EFHC2: variants seen among roughly 807,000 people sequenced by gnomAD.
The protein encoded by EFHC2 is EF-hand domain containing 2.
Under a neutral mutation model 52.7 loss-of-function variants are expected in EFHC2, and 18 were observed. The observed-to-expected ratio is 0.34, with a 90% CI of 0.24 to 0.51. EFHC2 has a LOEUF of 0.51. EFHC2 is among the 20% of genes least tolerant of loss of function. The probability of loss-of-function intolerance (pLI) is 0.97; values close to 1 mark genes in which losing one functional copy is unlikely to be tolerated. For synonymous variants in EFHC2, 203 were observed against 204.1 expected (o/e 0.99, Z 0.04); for missense variants, 513 against 562.5 (o/e 0.91, Z 0.89).
chrX:44,319,844 G>A (rs1465373372), intron 1 of EFHC2, among the ~76,000 whole-genome samples: 1 of 112,354 alleles, frequency 8.9e-6, no homozygotes, highest in African/African-American at 3.2e-5. Flanking sequence ...TCCAAAGACA[G>A]CATGTATGCT....
intron 14 of EFHC2, among the ~76,000 whole-genome samples, chrX:44,163,008 A>C (rs756321348): frequency 8.9e-6 from 1 of 112,298 alleles, no homozygotes; most frequent in East Asian, 2.8e-4. Flanking sequence ...TAAGTAACTT[A>C]ACTGACCCAA....
chrX:44,328,934 G>A lies in EFHC2; in HGVS notation c.42+14613C>T, dbSNP rs753967278. Among the ~76,000 whole-genome samples, 9 of 111,496 alleles carry A rather than the reference G, an allele frequency of 8.1e-5. No individual in the cohort carries two copies. The East Asian group carries it at 8.5e-4, about 11-fold the overall frequency. ...AGGGGCTCTTGAGCCCCTATGCTCC[G>A]CCCGCTCCCGGACTGTGGAGTGTAC... On this transcript the variant is annotated intron_variant, in intron 1 of 14. Coordinates refer to ENST00000420999, the MANE Select transcript of EFHC2 (RefSeq NM_025184.4).
chrX:44,300,056 A>G (rs1292147496), intron 2 of EFHC2, among the ~76,000 whole-genome samples: 1 of 112,067 alleles, frequency 8.9e-6, no homozygotes, highest in Non-Finnish European at 1.9e-5. Flanking sequence ...AGAGTCCTGC[A>G]AATACAAAAT....
At chrX:44,237,648 G>T (rs1229136714) in intron 8 of EFHC2, among the ~76,000 whole-genome samples, 1 of 111,492 alleles carries the variant, frequency 9.0e-6, no homozygotes, top group African/African-American at 3.3e-5. Context: ...GATCTCCACG[G>T]TGCCAATTCC....
intron 2 of EFHC2, among the ~76,000 whole-genome samples, chrX:44,294,072 G>T (rs2037810832): frequency 9.0e-6 from 1 of 111,566 alleles, no homozygotes; most frequent in Admixed American, 9.5e-5. Context: ...CATGTGCAAA[G>T]AATCTATACT....
chrX:44,317,846 G>T (rs763479687), intron 1 of EFHC2, among the ~76,000 whole-genome samples: 2 of 112,895 alleles, frequency 1.8e-5, no homozygotes, highest in Non-Finnish European at 3.7e-5. Flanking sequence ...ATTCACTAGG[G>T]TGGCTATAAT....
At chrX:44,206,793 A>C (rs1004363357) in intron 11 of EFHC2, among the ~76,000 whole-genome samples, 1 of 112,050 alleles carries the variant, frequency 8.9e-6, no homozygotes, top group African/African-American at 3.2e-5. Flanking sequence ...AAAGCAATCT[A>C]CAGATTCAAT....
chrX:44,251,132 G>A (rs1437060781), intron 4 of EFHC2, among the ~76,000 whole-genome samples: 12 of 104,660 alleles, frequency 1.1e-4, no homozygotes, highest in African/African-American at 1.8e-4. Context: ...CCAGCTACTC[G>A]GGAGGCTGAG....
chrX:44,193,228 C>T (rs1198230511), intron 11 of EFHC2, among the ~76,000 whole-genome samples: 1 of 108,163 alleles, frequency 9.2e-6, no homozygotes, highest in Non-Finnish European at 1.9e-5. Flanking sequence ...CTACCTATGA[C>T]CCGAAAGCCT....
chrX:44,161,087 G>A (rs943761392), intron 14 of EFHC2, among the ~76,000 whole-genome samples: 1 of 111,838 alleles, frequency 8.9e-6, no homozygotes, highest in African/African-American at 3.3e-5. Context: ...CAATACATGA[G>A]GAAATGATAA....
At chrX:44,340,390 G>A (rs747795538) in intron 1 of EFHC2, among the ~76,000 whole-genome samples, 7 of 111,660 alleles carry the variant, frequency 6.3e-5, no homozygotes, top group East Asian at 5.6e-4. Flanking sequence ...GGTGGCTCAC[G>A]CCTGTAATCC....
chrX:44,228,406 C>T (rs748854568), intron 11 of EFHC2, among the ~76,000 whole-genome samples: 1 of 112,038 alleles, frequency 8.9e-6, no homozygotes, highest in Non-Finnish European at 1.9e-5. Context: ...CGAAACCACT[C>T]CCTCATTTCT....
chrX:44,248,534 A>G (rs1276457500), intron 6 of EFHC2, 124 bp from the exon 7 acceptor site: 4 of 878,063 alleles, frequency 4.6e-6, no homozygotes, highest in African/African-American at 4.1e-5. Context: ...AATTTTAAAA[A>G]TCAAATAAAA....
intron 4 of EFHC2, among the ~76,000 whole-genome samples, chrX:44,255,417 G>A (rs2037483979): frequency 9.0e-6 from 1 of 111,426 alleles, no homozygotes; most frequent in African/African-American, 3.3e-5. Context: ...CAAAATAAAG[G>A]GAGGGAGGAA....
intron 4 of EFHC2, among the ~76,000 whole-genome samples, chrX:44,259,331 A>T (rs981320112): frequency 9.1e-6 from 1 of 110,330 alleles, no homozygotes; most frequent in Non-Finnish European, 1.9e-5. Context: ...CTCACTCATA[A>T]ATGGGAGTTG....
chrX:44,183,703 A>G (rs1216450956), intron 11 of EFHC2, among the ~76,000 whole-genome samples: 1 of 112,016 alleles, frequency 8.9e-6, no homozygotes, highest in African/African-American at 3.3e-5. Flanking sequence ...GCCCACCTCC[A>G]GAGGGCACAG....
At chrX:44,286,548 G>A (rs1211582657) in intron 2 of EFHC2, among the ~76,000 whole-genome samples, 4 of 111,081 alleles carry the variant, frequency 3.6e-5, no homozygotes, top group African/African-American at 1.3e-4. Flanking sequence ...AAGACAGCTT[G>A]ATAGAATACA....
At chrX:44,178,875 T>C (rs1246585326) in intron 11 of EFHC2, among the ~76,000 whole-genome samples, 3 of 112,369 alleles carry the variant, frequency 2.7e-5, no homozygotes, top group Non-Finnish European at 5.6e-5. Flanking sequence ...TCAAAAAACC[T>C]ATTACTAAGT....
rs7887384 is a variant in EFHC2 at position 44,176,428 on chromosome X, C to G, written c.1950-44G>C. 5.6e-6 allele frequency: 5 copies of G among 895,516 alleles called. No individual in the cohort carries two copies. The African/African-American group carries it at 6.1e-5, about 11-fold the overall frequency. 73.8% of individuals were successfully genotyped at this position (895,516 alleles called of 1,213,427 possible). A position where few individuals can be genotyped will look rare whatever the true frequency, so the allele number is the denominator to read the frequency against. On this transcript the variant is annotated intron_variant, in intron 12 of 14. Coordinates refer to ENST00000420999, the MANE Select transcript of EFHC2 (RefSeq NM_025184.4). Reference sequence around the variant, plus strand: ...AATGAGCTTTTATATACCTTGTATACCTTTAGTAATAATTACATACTATAG... The same window carrying G: ...AATGAGCTTTTATATACCTTGTATAGCTTTAGTAATAATTACATACTATAG...
Sources: allele counts gnomAD v4.1 joint callset (sites outside exome capture counted in the v4.1 genomes callset), GRCh38; gene constraint gnomAD v4.1.1; transcripts MANE v1.5; gene names NCBI Gene and HGNC (gene_info 2026-07-23, HGNC 2026-07-21).